Variants in FKBP5 observed in about 807,000 individuals in gnomAD.
FKBP5 encodes the protein FKBP prolyl isomerase 5.
In FKBP5, 23 loss-of-function variants were observed where a neutral mutation model predicts 50.5. The ratio of observed to expected loss-of-function variants is 0.46; its 90% CI spans 0.33 to 0.65. FKBP5 has a LOEUF of 0.65. Among genes scored for constraint, FKBP5 ranks in the 30% least tolerant of loss-of-function variants. The probability of loss-of-function intolerance (pLI) is 0.02; values close to 1 mark genes in which losing one functional copy is unlikely to be tolerated. For synonymous variants in FKBP5, 176 were observed against 190.6 expected (o/e 0.92, Z 0.63); for missense variants, 411 against 553.1 (o/e 0.74, Z 2.58).
chr6:35,621,294 G>A (rs746337424), intron 3 of FKBP5, among the ~76,000 whole-genome samples: 29 of 152,018 alleles, frequency 1.9e-4, no homozygotes, highest in Non-Finnish European at 3.5e-4. Context: ...AAGTCCTTTC[G>A]GAAACAATAG....
chr6:35,585,312 A>C (rs77781474), intron 8 of FKBP5: 1 of 979,270 alleles, frequency 1.0e-6, no homozygotes. Flanking sequence ...ATGTATTTGG[A>C]TATACAAATA....
chr6:35,658,657 G>GCTTTGTACAGTGCCTGT (rs368190273), intron 1 of FKBP5, among the ~76,000 whole-genome samples: 9 of 88,232 alleles, frequency 1.0e-4, no homozygotes, highest in South Asian at 3.9e-4. Context: ...TGCTAATGTG[G>GCTTTGTACAGTGCCTGT]TACATGACAT....
At chr6:35,663,558 ATC>A (rs539676758) in intron 1 of FKBP5, among the ~76,000 whole-genome samples, 90 of 152,260 alleles carry the variant, frequency 5.9e-4, no homozygotes, top group African/African-American at 2.1e-3. Flanking sequence ...ATCACTCGCT[ATC>A]TCTGAAATTA....
At chr6:35,581,145 C>T (rs113393774) in intron 8 of FKBP5, 1 of 980,470 alleles carries the variant, frequency 1.0e-6, no homozygotes, top group African/African-American at 1.8e-5. Context: ...GTTTGCTGAC[C>T]CCTGATCTAT....
intron 2 of FKBP5, among the ~76,000 whole-genome samples, chr6:35,696,528 AT>A (rs1290092655): frequency 5.2e-4 from 75 of 144,484 alleles, no homozygotes; most frequent in African/African-American, 1.7e-3. Context: ...AAAAAAAAAA[AT>A]TGGAAAAACA....
At chr6:35,683,715 G>A (rs1765746154) in intron 1 of FKBP5, among the ~76,000 whole-genome samples, 1 of 146,888 alleles carries the variant, frequency 6.8e-6, no homozygotes. Flanking sequence ...CTGACCTCCT[G>A]GCCTGGCCTA....
In FKBP5 at chr6:35,578,722, T is replaced by C. The variant is rs148159955; in HGVS notation, c.1026+1314A>G. Among the ~76,000 whole-genome samples the C allele has an allele frequency of 5.8e-3, 869 of 149,438 alleles. 4 individuals are homozygous for C. Among genetic ancestry groups the C allele is most frequent in the African/African-American group, 0.019 (790 of 40,566 alleles). ...GGTGGAGGTTAGAGTGAGCCAAGAT[T>C]GTGCCATTGCACTCCAGACTGGGTA... On this transcript the variant is annotated intron_variant, in intron 9 of 10. Coordinates refer to ENST00000357266, the MANE Select transcript of FKBP5 (RefSeq NM_004117.4).
intron 9 of FKBP5, among the ~76,000 whole-genome samples, chr6:35,579,202 C>T (rs898659326): frequency 4.0e-5 from 6 of 151,660 alleles, no homozygotes; most frequent in African/African-American, 9.7e-5. Flanking sequence ...ATGAAAAAAA[C>T]GAAAAAATAC....
chr6:35,680,556 G>T (rs1765638328), intron 1 of FKBP5, among the ~76,000 whole-genome samples: 1 of 152,152 alleles, frequency 6.6e-6, no homozygotes, highest in African/African-American at 2.4e-5. Context: ...AGCCATTATT[G>T]TTTAAGCTAT....
At chr6:35,702,454 T>C (rs1581895160) in intron 2 of FKBP5, among the ~76,000 whole-genome samples, 1 of 151,528 alleles carries the variant, frequency 6.6e-6, no homozygotes, top group Non-Finnish European at 1.5e-5. Context: ...ATATAAACTT[T>C]GATTTTTTTT....
rs527470659 is a variant in FKBP5, at chr6:35,628,322, C to A, written c.251-8048G>T. On this transcript the variant is annotated intron_variant, in intron 3 of 10. Transcript: ENST00000357266. Reference sequence around the variant, plus strand: ...ATGTACATTTACATTTGAATATGAGCATCTTGAACACACTATAGGATGAAA... The same window carrying A: ...ATGTACATTTACATTTGAATATGAGAATCTTGAACACACTATAGGATGAAA... Among the ~76,000 whole-genome samples, 20 of 152,156 alleles carry A rather than the reference C, an allele frequency of 1.3e-4. No homozygotes were observed. In the South Asian group the frequency reaches 4.2e-3, roughly 32 times the overall value.
At chr6:35,692,405 T>G (rs1010050766), upstream of FKBP5, among the ~76,000 whole-genome samples, 1 of 152,238 alleles carries the variant, frequency 6.6e-6, no homozygotes, top group South Asian at 2.1e-4. Flanking sequence ...AGCTTGTACT[T>G]GAACTCAGCC....
In FKBP5 at chr6:35,619,266, T is replaced by C; in HGVS notation, c.394-56A>G. ...AAGACCAAATAAAGCCAACTGAACA[T>C]ATGTGAAGGCAAGGGCAACCAATTA... On this transcript the variant is annotated intron_variant, in intron 4 of 10. Coordinates refer to ENST00000357266, the MANE Select transcript of FKBP5 (RefSeq NM_004117.4). The C allele has an allele frequency of 7.6e-6, 9 of 1,183,596 alleles. No individual in the cohort carries two copies. In the South Asian group the frequency reaches 8.9e-5, roughly 12 times the overall value. The allele number at this position is 1,183,596 out of a possible 1,614,324, so 73.3% of individuals were successfully genotyped here. A position where few individuals can be genotyped will look rare whatever the true frequency, so the allele number is the denominator to read the frequency against.
chr6:35,580,749 G>A, intron 8 of FKBP5: 1 of 505,374 alleles, frequency 2.0e-6, no homozygotes, highest in Non-Finnish European at 2.6e-6. Flanking sequence ...CACTATGTTG[G>A]CCAGGCTGGT....
intron 1 of FKBP5, among the ~76,000 whole-genome samples, chr6:35,688,266 C>G (rs1765892592): frequency 6.6e-6 from 1 of 152,196 alleles, no homozygotes; most frequent in African/African-American, 2.4e-5. Flanking sequence ...GAATCCGCCC[C>G]GCGCCCGCGG....
intron 5 of FKBP5, among the ~76,000 whole-genome samples, chr6:35,608,096 A>C (rs978209258): frequency 2.0e-5 from 3 of 152,228 alleles, no homozygotes; most frequent in African/African-American, 4.8e-5. Context: ...GCTGGAGGCC[A>C]GTAACCTAAG....
chr6:35,723,220 G>A (rs1484240312), intron 1 of FKBP5, among the ~76,000 whole-genome samples: 8 of 152,110 alleles, frequency 5.3e-5, no homozygotes, highest in African/African-American at 1.9e-4. Context: ...GCGACAGAGC[G>A]AGACTCCATC....
intron 6 of FKBP5, 131 bp downstream of exon 6, chr6:35,597,117 C>A: frequency 1.0e-6 from 1 of 953,520 alleles, no homozygotes; most frequent in Non-Finnish European, 1.6e-6. Context: ...TGATGACTAA[C>A]TGCAGCCTGA....
intron 2 of FKBP5, among the ~76,000 whole-genome samples, chr6:35,702,937 C>CA (rs755581445): frequency 1.7e-3 from 260 of 151,444 alleles, no homozygotes; most frequent in Non-Finnish European, 2.9e-3. Context: ...CGTATTTTAT[C>CA]AAAAAAAAGG....
Sources: allele counts gnomAD v4.1 joint callset (sites outside exome capture counted in the v4.1 genomes callset), GRCh38; gene constraint gnomAD v4.1.1; transcripts MANE v1.5; gene names NCBI Gene and HGNC (gene_info 2026-07-23, HGNC 2026-07-21).